Variants in PAMR1 observed in about 807,000 individuals in gnomAD.
The protein encoded by PAMR1 is peptidase domain containing associated with muscle regeneration 1.
PAMR1 carries 88 observed loss-of-function variants against 81.8 expected under a neutral mutation model. The observed-to-expected ratio is 1.08, with a 90% CI of 0.91 to 1.28. The LOEUF (loss-of-function observed/expected upper bound fraction) is 1.28, where lower values mean the gene tolerates loss of function less well. Ranked by LOEUF, PAMR1 falls within the 50% of genes most tolerant of loss-of-function variation. The pLI, the probability that PAMR1 is intolerant of heterozygous loss-of-function variation, is 0.00. For missense variants in PAMR1, 935 were observed against 919.7 expected, an observed-to-expected ratio of 1.02 and a Z score of -0.21; for synonymous variants, 336 against 345.3, an observed-to-expected ratio of 0.97 and a Z score of 0.30.
At chr11:35,483,589 A>G (rs1246391376) in intron 3 of PAMR1, among the ~76,000 whole-genome samples, 2 of 152,116 alleles carry the variant, frequency 1.3e-5, no homozygotes, top group Admixed American at 6.5e-5. Context: ...CCCCAACCGC[A>G]GCAGCTGCCT....
chr11:35,432,758 G>A lies in PAMR1; in HGVS notation c.1761C>T (p.Leu587=). The change falls in exon 11 of 11, where the codon CTC becomes CTT. Residue 587 remains leucine, a synonymous_variant. Transcript: ENST00000619888. ...QPICLAASRD[L]STSFQESHIT... is the part of the protein sequence containing the mutation. ...TGTGGGACTCCTGGAAGGAAGTGCT[G>A]AGATCCCGACTGGCAGCGAGGCAGA... 6.2e-7 allele frequency: 1 copy of A among 1,613,850 alleles called. No individual in the cohort carries two copies. Among genetic ancestry groups the A allele is most frequent in the Non-Finnish European group, 8.5e-7 (1 of 1,180,050 alleles).
In PAMR1 at chr11:35,472,831, G is replaced by A. The variant is rs574663426; in HGVS notation, c.494+1799C>T. 2.0e-5 allele frequency among the ~76,000 whole-genome samples: 3 copies of A among 152,354 alleles called. No individual in the cohort carries two copies. The East Asian group carries it at 5.8e-4, about 29-fold the overall frequency. On this transcript the variant is annotated intron_variant, in intron 4 of 10. Transcript: ENST00000619888. Reference sequence around the variant, plus strand: ...GAGAGTGATAGGATCTGAGGCCAGTGAGGGCAGCCTGCGATAGATCTTGTG... The same window carrying A: ...GAGAGTGATAGGATCTGAGGCCAGTAAGGGCAGCCTGCGATAGATCTTGTG...
chr11:35,477,223 T>C (rs1178580463), intron 3 of PAMR1, among the ~76,000 whole-genome samples: 1 of 152,208 alleles, frequency 6.6e-6, no homozygotes, highest in African/African-American at 2.4e-5. Flanking sequence ...CTGGGATCTT[T>C]TCTAGCTTGT....
chr11:35,519,064 A>G (rs1851222406), intron 1 of PAMR1, among the ~76,000 whole-genome samples: 1 of 152,188 alleles, frequency 6.6e-6, no homozygotes, highest in South Asian at 2.1e-4. Flanking sequence ...AGATGCCCAG[A>G]CTGCAGAAAT....
At chr11:35,435,358 C>T (rs943427755) in intron 9 of PAMR1, among the ~76,000 whole-genome samples, 1 of 152,114 alleles carries the variant, frequency 6.6e-6, no homozygotes, top group Non-Finnish European at 1.5e-5. Context: ...TACCTCATTA[C>T]ATTTTTTATT....
At chr11:35,454,898 AGACATTG>A (rs1402759902) in intron 6 of PAMR1, among the ~76,000 whole-genome samples, 2 of 152,240 alleles carry the variant, frequency 1.3e-5, no homozygotes, top group Non-Finnish European at 2.9e-5. Flanking sequence ...AGGTAGTCTA[AGACATTG>A]GGCTTCCCTA....
chr11:35,469,645 C>T (rs1490406429), intron 5 of PAMR1, among the ~76,000 whole-genome samples: 1 of 152,176 alleles, frequency 6.6e-6, no homozygotes, highest in Admixed American at 6.5e-5. Context: ...GAGGGGTAGA[C>T]CGGGGAGCAG....
intron 1 of PAMR1, among the ~76,000 whole-genome samples, chr11:35,501,907 G>A (rs1025219104): frequency 4.6e-5 from 7 of 152,186 alleles, no homozygotes; most frequent in Non-Finnish European, 8.8e-5. Context: ...GAGTGGAGAT[G>A]TCTCTTTGAT....
intron 4 of PAMR1, among the ~76,000 whole-genome samples, chr11:35,474,157 C>A (rs578152667): frequency 1.3e-5 from 2 of 152,342 alleles, no homozygotes; most frequent in African/African-American, 4.8e-5. Context: ...AGAAATGACT[C>A]ATCTTCCACA....
chr11:35,443,567 C>G (rs1388764676), intron 6 of PAMR1, among the ~76,000 whole-genome samples: 1 of 152,202 alleles, frequency 6.6e-6, no homozygotes, highest in East Asian at 1.9e-4. Flanking sequence ...GCATAGTATT[C>G]CATGGTGTAT....
chr11:35,518,440 T>A (rs16927595), intron 1 of PAMR1, among the ~76,000 whole-genome samples: 4 of 151,456 alleles, frequency 2.6e-5, no homozygotes, highest in African/African-American at 9.7e-5. Flanking sequence ...CCCTTTCCTC[T>A]TTAATGGTGA....
At chr11:35,446,930 G>T (rs1856305010) in intron 6 of PAMR1, among the ~76,000 whole-genome samples, 1 of 152,154 alleles carries the variant, frequency 6.6e-6, no homozygotes, top group Non-Finnish European at 1.5e-5. Context: ...TGACAATGGG[G>T]TGTTAAAGTC....
At position 35,525,465 on chromosome 11, in the gene PAMR1, C is replaced by CCCTCCTAGGGTGT. The variant is rs745837984; in HGVS notation, c.73+35_73+47dup. On this transcript the variant is annotated intron_variant, in intron 1 of 10. Transcript: ENST00000619888. Reference sequence around the variant, plus strand: ...AGGCAGACCCCAGGAGGAAAATGCTCCCTCCTAGGGTGTCCTCCTAGGGTG... The same window carrying CCCTCCTAGGGTGT: ...AGGCAGACCCCAGGAGGAAAATGCTCCCTCCTAGGGTGTCCTCCTAGGGTGTCCTCCTAGGGTG... 13 of 1,499,404 alleles carry CCCTCCTAGGGTGT rather than the reference C, an allele frequency of 8.7e-6. No homozygotes were observed. The African/African-American group carries it at 1.2e-4, about 14-fold the overall frequency. 92.9% of individuals were successfully genotyped at this position (1,499,404 alleles called of 1,614,324 possible). A position where few individuals can be genotyped will look rare whatever the true frequency, so the allele number is the denominator to read the frequency against.
chr11:35,499,606 G>A (rs904024391), intron 1 of PAMR1, among the ~76,000 whole-genome samples: 1 of 152,060 alleles, frequency 6.6e-6, no homozygotes, highest in African/African-American at 2.4e-5. Flanking sequence ...TTTTACCCAG[G>A]AATTAATTCC....
rs1362571136 is a variant in PAMR1 at position 35,522,437 on chromosome 11, T to A, written c.73+3076A>T. Reference sequence around the variant, plus strand: ...GACTATTCTAAGTACCTCATATAAGTGGCATCACAGAACATTTGTCTTTTT... The same window carrying A: ...GACTATTCTAAGTACCTCATATAAGAGGCATCACAGAACATTTGTCTTTTT... On this transcript the variant is annotated intron_variant, in intron 1 of 10. Coordinates refer to ENST00000619888, the MANE Select transcript of PAMR1 (RefSeq NM_001001991.3). Among the ~76,000 whole-genome samples the A allele has an allele frequency of 3.3e-5, 5 of 152,244 alleles. No individual in the cohort carries two copies. The East Asian group carries it at 9.6e-4, about 29-fold the overall frequency.
chr11:35,470,970 G>A (rs1050135362), intron 4 of PAMR1, 152 bp from the exon 5 acceptor site: 25 of 630,922 alleles, frequency 4.0e-5, no homozygotes, highest in East Asian at 1.1e-4. Flanking sequence ...AGAGGTTGGC[G>A]AATTTCTCTT....
chr11:35,496,538 A>C (rs1850729168), intron 1 of PAMR1, among the ~76,000 whole-genome samples: 1 of 152,226 alleles, frequency 6.6e-6, no homozygotes, highest in Non-Finnish European at 1.5e-5. Context: ...GTCATTTGGG[A>C]AATGCAAATC....
chr11:35,441,939 G>C (rs1856180554), intron 6 of PAMR1, among the ~76,000 whole-genome samples: 1 of 152,016 alleles, frequency 6.6e-6, no homozygotes, highest in African/African-American at 2.4e-5. Flanking sequence ...GCCAAATCTG[G>C]CTCTTATATC....
chr11:35,493,618 A>G, intron 2 of PAMR1, among the ~76,000 whole-genome samples: 1 of 151,946 alleles, frequency 6.6e-6, no homozygotes, highest in East Asian at 1.9e-4. Flanking sequence ...TGCTTCTCCC[A>G]TCAGCATGCT....
Sources: allele counts gnomAD v4.1 joint callset (sites outside exome capture counted in the v4.1 genomes callset), GRCh38; gene constraint gnomAD v4.1.1; transcripts MANE v1.5; gene names NCBI Gene and HGNC (gene_info 2026-07-23, HGNC 2026-07-21).